Variants in FHIP2B observed in about 807,000 individuals in gnomAD.
FHIP2B encodes FHF complex subunit HOOK interacting protein 2B.
FHIP2B carries 72 observed loss-of-function variants against 84.0 expected under a neutral mutation model. That is an observed-to-expected ratio of 0.86 (90% confidence interval 0.71 to 1.04). The LOEUF is 1.04. Among genes scored for constraint, FHIP2B ranks in the 50% least tolerant of loss-of-function variants. The probability of loss-of-function intolerance (pLI) is 0.00; values close to 1 mark genes in which losing one functional copy is unlikely to be tolerated. For missense variants in FHIP2B, 972 were observed against 968.9 expected (o/e 1.00, Z -0.04); for synonymous variants, 497 against 418.7 (o/e 1.19, Z -2.28).
chr8:22,089,360 G>A (rs1389628786), intron 1 of FHIP2B, 62 bp downstream of exon 1: 6 of 947,812 alleles, frequency 6.3e-6, no homozygotes, highest in Non-Finnish European at 7.5e-6. Flanking sequence ...GGCTGGGCGG[G>A]CGCGGAGCCG....
In FHIP2B at chr8:22,096,200, C is replaced by T. The variant is rs1478054989; in HGVS notation, c.125-137C>T. 6.4e-6 allele frequency: 5 copies of T among 777,694 alleles called. No individual in the cohort carries two copies. In the Admixed American group the frequency reaches 1.3e-4, roughly 20 times the overall value. The allele number at this position is 777,694 out of a possible 1,614,324, so 48.2% of individuals were successfully genotyped here. ...GCATTCACTGTAAACTTCCATTTCC[C>T]AGTTGCCAGCAGCTGTCTTCCCCCA... On this transcript the variant is annotated intron_variant, in intron 2 of 16. Transcript: ENST00000289921.
intron 3 of FHIP2B, 42 bp downstream of exon 3, chr8:22,096,551 G>T: frequency 6.9e-7 from 1 of 1,457,188 alleles, no homozygotes; most frequent in East Asian, 2.6e-5. Flanking sequence ...GAGGTGGGAG[G>T]CCTCTGCGCG....
chr8:22,099,732 G>A lies in FHIP2B; in HGVS notation c.1180G>A (p.Ala394Thr), dbSNP rs201316393. 1.4e-4 allele frequency: 229 copies of A among 1,596,788 alleles called. No homozygotes were observed. In the African/African-American group the frequency reaches 2.8e-3, roughly 19 times the overall value. Residue 394 changes from alanine to threonine, a missense_variant, in exon 10 of 17, where the codon GCC (alanine) becomes ACC (threonine). Coordinates refer to ENST00000289921, the MANE Select transcript of FHIP2B (RefSeq NM_022749.7). ...CGAGCAGAGCATCTTGACCTCCACC[G>A]CCCTCCTCACAGCCATGCTGCGCCA... is the stretch of plus-strand genomic sequence containing the variant. ...VSEQSILTST[A>T]LLTAMLRQLR...
chr8:22,100,803 C>T (rs1299490332), intron 11 of FHIP2B, 41 bp from the exon 12 acceptor site: 54 of 1,613,142 alleles, frequency 3.3e-5, no homozygotes, highest in Non-Finnish European at 4.3e-5. Context: ...TCACTCTGTC[C>T]ATTCATTCAC....
At position 22,099,280 on chromosome 8, in the gene FHIP2B, C is replaced by T; in HGVS notation, c.1075-4C>T. 1.9e-6 allele frequency: 3 copies of T among 1,613,602 alleles called. No individual in the cohort carries two copies. The highest frequency in any genetic ancestry group is 1.1e-5 in the South Asian group (1 of 90,970). ...AAAACACATTGGCGCTCTCTGGCAC[C>T]CAGGTGGTTGCGGACGCCTTGGCGA... On this transcript the variant is annotated splice_polypyrimidine_tract_variant and splice_region_variant and intron_variant, in intron 8 of 16. Coordinates refer to ENST00000289921, the MANE Select transcript of FHIP2B (RefSeq NM_022749.7).
At chr8:22,090,332 A>C (rs1374986212) in intron 1 of FHIP2B, among the ~76,000 whole-genome samples, 1 of 152,114 alleles carries the variant, frequency 6.6e-6, no homozygotes, top group Non-Finnish European at 1.5e-5. Context: ...CCCAACCCTC[A>C]TGGGAGCTCC....
In FHIP2B at chr8:22,100,608, A is replaced by T; in HGVS notation, c.1356A>T (p.Thr452=). ...TCCTGCTCCAGATCAGCATCACCAC[A>T]CTCCGGCTGTTTGAGGAGCTGCTGC... The part of the protein sequence containing the change: ...DHLSDEISIT[T]LRLFEELLQK... The change falls in exon 11 of 17, where the codon ACA becomes ACT. Residue 452 remains threonine, a synonymous_variant. Coordinates refer to ENST00000289921, the MANE Select transcript of FHIP2B (RefSeq NM_022749.7). The T allele has an allele frequency of 6.4e-7, 1 of 1,565,492 alleles. No homozygotes were observed. The highest frequency in any genetic ancestry group is 1.2e-5 in the South Asian group (1 of 82,964).
rs551671782 is a variant in FHIP2B at position 22,102,661 on chromosome 8, G to T, written c.2093+33G>T. The T allele has an allele frequency of 2.7e-5, 43 of 1,566,024 alleles. No homozygotes were observed. In the South Asian group the frequency reaches 4.3e-4, roughly 16 times the overall value. ...CCAAGGGTGCCAGGTGAAGCCTTGGGGTGGGAGAGTGGAAAGCGCCTCTGG... is the reference window on the plus strand; with the variant it reads ...CCAAGGGTGCCAGGTGAAGCCTTGGTGTGGGAGAGTGGAAAGCGCCTCTGG... On this transcript the variant is annotated intron_variant, in intron 16 of 16. Coordinates refer to ENST00000289921, the MANE Select transcript of FHIP2B (RefSeq NM_022749.7).
Position 22,103,129 on chromosome 8 carries a change from G to A in FHIP2B, c.*198G>A. On this transcript the variant is annotated 3_prime_UTR_variant, in exon 17 of 17. Transcript: ENST00000289921. ...CAGGTGCCAAGGAGCCAAACAGATGGCTTTCCAGGCAGCAAGGTCCTTGGG... is the reference window on the plus strand; with the variant it reads ...CAGGTGCCAAGGAGCCAAACAGATGACTTTCCAGGCAGCAAGGTCCTTGGG... 1.4e-6 allele frequency: 1 copy of A among 697,702 alleles called. No homozygotes were observed. The highest frequency in any genetic ancestry group is 2.3e-6 in the Non-Finnish European group (1 of 429,756). 43.2% of individuals were successfully genotyped at this position (697,702 alleles called of 1,614,324 possible).
chr8:22,099,549 G>T (rs981457064), intron 9 of FHIP2B, among the ~76,000 whole-genome samples, 155 bp from the exon 10 acceptor site: 4 of 152,292 alleles, frequency 2.6e-5, no homozygotes, highest in Non-Finnish European at 5.9e-5. Context: ...CTAAACGAAG[G>T]CCTCCTACCC....
rs1479622355 is a variant in FHIP2B at position 22,089,199 on chromosome 8, G to T, written c.-55G>T. On this transcript the variant is annotated 5_prime_UTR_variant, in exon 1 of 17. Coordinates refer to ENST00000289921, the MANE Select transcript of FHIP2B (RefSeq NM_022749.7). Reference sequence around the variant, plus strand: ...CCGGGGCCACGGGGCTGCCTCCTCCGCCTAGAGCGCTGCCGCCGCCGCTTT... The same window carrying T: ...CCGGGGCCACGGGGCTGCCTCCTCCTCCTAGAGCGCTGCCGCCGCCGCTTT... 1.9e-6 allele frequency: 2 copies of T among 1,041,810 alleles called. No homozygotes were observed. The highest frequency in any genetic ancestry group is 2.3e-6 in the Non-Finnish European group (2 of 864,874). The allele number at this position is 1,041,810 out of a possible 1,614,324, so 64.5% of individuals were successfully genotyped here.
At chr8:22,098,669 C>T in intron 7 of FHIP2B, 50 bp downstream of exon 7, 1 of 1,477,512 alleles carries the variant, frequency 6.8e-7, no homozygotes. Flanking sequence ...TTGCTGGCAG[C>T]CCTGCCTGTC....
At position 22,097,774 on chromosome 8, in the gene FHIP2B, C is replaced by G. The variant is rs987051592; in HGVS notation, c.460C>G (p.Gln154Glu). The G allele has an allele frequency of 1.2e-6, 2 of 1,613,530 alleles. No individual in the cohort carries two copies. The highest frequency in any genetic ancestry group is 1.7e-6 in the Non-Finnish European group (2 of 1,179,812). The part of the protein sequence containing the change: ...SGSVTEKEEV[Q>E]FTTVLCSKIQ... ...ATCCGTTACAGAAAAGGAGGAGGTG[C>G]AGTTCACCACCGTCCTCTGCTCCAA... is the stretch of plus-strand genomic sequence containing the variant. The change falls in exon 5 of 17, where the codon CAG becomes GAG. Residue 154 changes from glutamine to glutamate, a missense_variant. Physicochemically the swap from Gln to Glu is conservative, Grantham distance 29. Coordinates refer to ENST00000289921, the MANE Select transcript of FHIP2B (RefSeq NM_022749.7).
rs1826014987 is a variant in FHIP2B, at chr8:22,099,969, C to G, written c.1341+76C>G. 3 of 1,430,210 alleles carry G rather than the reference C, an allele frequency of 2.1e-6. No individual in the cohort carries two copies. In the African/African-American group the frequency reaches 4.4e-5, roughly 21 times the overall value. The allele number at this position is 1,430,210 out of a possible 1,614,324, so 88.6% of individuals were successfully genotyped here. The stretch of plus-strand genomic sequence containing the variant: ...GATTTCCTGAACACTCTTCCCATTT[C>G]ATTAGTGTTCCCAGTTGACTCCACC... On this transcript the variant is annotated intron_variant, in intron 10 of 16. Transcript: ENST00000289921.
intron 12 of FHIP2B, 80 bp from the exon 13 acceptor site, chr8:22,101,360 C>G (rs1354648327): frequency 2.5e-6 from 3 of 1,208,632 alleles, no homozygotes; most frequent in African/African-American, 1.5e-5. Context: ...GGGGTCCAGT[C>G]AGGGAGGGAG....
intron 1 of FHIP2B, chr8:22,089,972 G>A (rs1825389141): frequency 5.4e-6 from 3 of 552,772 alleles, no homozygotes; most frequent in Non-Finnish European, 8.5e-6. Flanking sequence ...GGGACATGCC[G>A]CCCGTGGTGG....
At position 22,098,260 on chromosome 8, in the gene FHIP2B, A is replaced by T. The variant is rs1825900179; in HGVS notation, c.718A>T (p.Thr240Ser). 1.3e-6 allele frequency: 2 copies of T among 1,585,992 alleles called. No homozygotes were observed. Among genetic ancestry groups the T allele is most frequent in the Non-Finnish European group, 1.7e-6 (2 of 1,167,564 alleles). ...TGAGACCGAGGAGCTGGACGGTGGG[A>T]CCACAGAGAGCAACCTGATTACCTC... The part of the protein sequence containing the change: ...PAETEELDGG[T>S]TESNLITSLL... Residue 240 changes from threonine to serine, a missense_variant, in exon 6 of 17, where the codon ACC becomes TCC. Transcript: ENST00000289921.
intron 1 of FHIP2B, among the ~76,000 whole-genome samples, 170 bp downstream of exon 1, chr8:22,089,468 T>A (rs12547987): frequency 0.2 from 30,403 of 150,882 alleles, 3,591 homozygotes; most frequent in Non-Finnish European, 0.25. Flanking sequence ...CGCGCCCCGC[T>A]TCCCCTCGCT....
At chr8:22,101,348 C>T in intron 12 of FHIP2B, 92 bp from the exon 13 acceptor site, 1 of 1,009,240 alleles carries the variant, frequency 9.9e-7, no homozygotes, top group Non-Finnish European at 1.5e-6. Context: ...GGCCACAGCC[C>T]TGGGGTCCAG....
Sources: allele counts gnomAD v4.1 joint callset (sites outside exome capture counted in the v4.1 genomes callset), GRCh38; gene constraint gnomAD v4.1.1; transcripts MANE v1.5; gene names NCBI Gene and HGNC (gene_info 2026-07-23, HGNC 2026-07-21).